FGD5: variants seen among roughly 807,000 people sequenced by gnomAD.
The protein encoded by FGD5 is FYVE, RhoGEF and PH domain-containing protein 5.
In FGD5, 28 loss-of-function variants were observed where a neutral mutation model predicts 133.4. The ratio of observed to expected loss-of-function variants is 0.21; its 90% confidence interval spans 0.16 to 0.29. The LOEUF is 0.29. Among genes scored for constraint, FGD5 ranks in the 10% least tolerant of loss-of-function variants. FGD5 has a pLI of 1.00. For synonymous variants in FGD5, 810 were observed against 776.5 expected (o/e 1.04, Z -0.72); for missense variants, 1,858 against 1,895.2 (o/e 0.98, Z 0.36).
chr3:14,837,596 C>T (rs2036841650), intron 1 of FGD5, among the ~76,000 whole-genome samples: 1 of 152,136 alleles, frequency 6.6e-6, no homozygotes, highest in African/African-American at 2.4e-5. Flanking sequence ...TAAAGCCCAG[C>T]TCTGTGTGGA....
chr3:14,902,909 G>A (rs957480802), intron 9 of FGD5, among the ~76,000 whole-genome samples: 3 of 152,160 alleles, frequency 2.0e-5, no homozygotes, highest in Admixed American at 6.5e-5. Context: ...CGGAGCAGCC[G>A]ACGGCCAGAC....
chr3:14,921,774 G>A (rs2038684595), intron 13 of FGD5, 144 bp from the exon 14 acceptor site: 2 of 712,134 alleles, frequency 2.8e-6, no homozygotes, highest in Non-Finnish European at 4.9e-6. Context: ...AGTCTGGCAG[G>A]TGATCTCTTC....
intron 13 of FGD5, 25 bp downstream of exon 13, chr3:14,918,858 G>T (rs754385648): frequency 3.1e-6 from 5 of 1,612,340 alleles, no homozygotes; most frequent in Admixed American, 3.3e-5. Context: ...AGGGAGGATG[G>T]CGCACAAGGC....
chr3:14,898,637 C>G (rs369220462), intron 6 of FGD5, 102 bp from the exon 7 acceptor site: 9 of 919,766 alleles, frequency 9.8e-6, no homozygotes, highest in South Asian at 7.9e-5. Flanking sequence ...TCAGCTGGCC[C>G]GGGAAGAGGT....
At chr3:14,887,096 A>T (rs1267832891) in intron 4 of FGD5, among the ~76,000 whole-genome samples, 1 of 151,844 alleles carries the variant, frequency 6.6e-6, no homozygotes, top group Non-Finnish European at 1.5e-5. Context: ...CTTTTTGTCT[A>T]TTGTTGAGAG....
Position 14,897,921 on chromosome 3 carries a change from C to G in FGD5, c.2910-18C>G. The G allele has an allele frequency of 6.2e-7, 1 of 1,613,894 alleles. No individual in the cohort carries two copies. Among genetic ancestry groups the G allele is most frequent in the South Asian group, 1.1e-5 (1 of 91,060 alleles). On this transcript the variant is annotated intron_variant, in intron 5 of 19. Transcript: ENST00000285046. ...CAAGGCTGAGTTCTCACTGTCCCAT[C>G]CCCATTCCTGGCTGCAGGGAGAGCC...
At chr3:14,890,393 C>G (rs2038003984) in intron 4 of FGD5, among the ~76,000 whole-genome samples, 2 of 152,226 alleles carry the variant, frequency 1.3e-5, no homozygotes, top group African/African-American at 4.8e-5. Flanking sequence ...GTGCATCTCT[C>G]CATGCTCCCA....
chr3:14,844,211 AAAAAAAAT>A (rs1184975173), intron 1 of FGD5, among the ~76,000 whole-genome samples: 3 of 41,460 alleles, frequency 7.2e-5, no homozygotes, highest in Admixed American at 3.2e-4. Context: ...CATTAAAAAA[AAAAAAAAT>A]ATATATATAT....
intron 13 of FGD5, chr3:14,921,509 A>C: frequency 5.1e-6 from 1 of 196,876 alleles, no homozygotes; most frequent in Non-Finnish European, 1.1e-5. Context: ...TACCTTTGCC[A>C]GCTCCCACCT....
At chr3:14,908,273 A>G (rs1280772900) in intron 10 of FGD5, among the ~76,000 whole-genome samples, 2 of 152,192 alleles carry the variant, frequency 1.3e-5, no homozygotes, top group Admixed American at 1.3e-4. Context: ...AGATTCTGTA[A>G]AGTTACATTT....
Position 14,820,091 on chromosome 3 carries a change from T to G in FGD5, c.1020T>G (p.Thr340=), listed in dbSNP as rs2036453212. Residue 340 remains threonine (T), a synonymous_variant, in exon 1 of 20, where the codon ACT becomes ACG. Transcript: ENST00000285046. ...FENDCMEDFV[T]SLTGSPYEFF... ...ATGACTGCATGGAGGACTTCGTGACTTCCCTCACAGGAAGCCCCTATGAGT... is the reference window on the plus strand; with the variant it reads ...ATGACTGCATGGAGGACTTCGTGACGTCCCTCACAGGAAGCCCCTATGAGT... The G allele has an allele frequency of 1.2e-6, 2 of 1,614,040 alleles. No individual in the cohort carries two copies. The highest frequency in any genetic ancestry group is 1.1e-5 in the South Asian group (1 of 91,082).
chr3:14,888,133 A>G (rs1175316019), intron 4 of FGD5, among the ~76,000 whole-genome samples: 2 of 149,160 alleles, frequency 1.3e-5, no homozygotes, highest in Non-Finnish European at 3.0e-5. Context: ...GCATACCACT[A>G]TGCTCCAGCC....
Position 14,925,978 on chromosome 3 carries a change from C to T in FGD5, c.4069-92C>T, listed in dbSNP as rs1205283622. 3.7e-5 allele frequency: 57 copies of T among 1,532,466 alleles called. No homozygotes were observed. In the East Asian group the frequency reaches 1.2e-3, roughly 31 times the overall value. The allele number at this position is 1,532,466 out of a possible 1,614,324, so 94.9% of individuals were successfully genotyped here. ...TGTCAAAGCAGTATAAGTAGTCAGCCAAATGGTTTGCAGTGTCATTTTGAA... is the reference window on the plus strand; with the variant it reads ...TGTCAAAGCAGTATAAGTAGTCAGCTAAATGGTTTGCAGTGTCATTTTGAA... On this transcript the variant is annotated intron_variant, in intron 17 of 19. Coordinates refer to ENST00000285046, the MANE Select transcript of FGD5 (RefSeq NM_152536.4).
intron 1 of FGD5, among the ~76,000 whole-genome samples, chr3:14,857,201 G>A (rs1448882208): frequency 6.6e-6 from 1 of 151,486 alleles, no homozygotes; most frequent in Non-Finnish European, 1.5e-5. Flanking sequence ...TGTCACCCAG[G>A]CTGCTGGAGT....
At chr3:14,828,324 G>T (rs966238764) in intron 1 of FGD5, among the ~76,000 whole-genome samples, 4 of 152,190 alleles carry the variant, frequency 2.6e-5, no homozygotes, top group African/African-American at 9.7e-5. Flanking sequence ...TGCAGGAAAA[G>T]TAGGCTTTTG....
chr3:14,854,395 T>C (rs570046983), intron 1 of FGD5, among the ~76,000 whole-genome samples: 11 of 73,472 alleles, frequency 1.5e-4, no homozygotes, highest in African/African-American at 2.0e-4. Context: ...TTCTTTTTAT[T>C]TATTTATTTA....
At chr3:14,850,811 A>C (rs1185827699) in intron 1 of FGD5, among the ~76,000 whole-genome samples, 2 of 134,934 alleles carry the variant, frequency 1.5e-5, no homozygotes, top group South Asian at 2.7e-4. Flanking sequence ...GGTGGGAGGG[A>C]TGGTGTTGGG....
chr3:14,820,285 C>T lies in FGD5; in HGVS notation c.1214C>T (p.Ala405Val), dbSNP rs1197701124. 4 of 1,604,418 alleles carry T rather than the reference C, an allele frequency of 2.5e-6. No homozygotes were observed. In the Admixed American group the frequency reaches 5.0e-5, roughly 20 times the overall value. ...TGTGGCTCCCTACAGGGTGGAGCGG[C>T]CGAGGGTCCCGCAGCCCCTGATGTG... ...GQCGSLQGGA[A>V]EGPAAPDVVV... is the part of the protein sequence containing the mutation. Residue 405 changes from alanine (A) to valine (V), a missense_variant, in exon 1 of 20, where the codon GCC becomes GTC. Ala to Val is a moderately conservative substitution (Grantham distance 64). Around this residue, in one of 3 missense-constraint regions of FGD5, gnomAD observed 1,824 missense variants for 1,848.9 expected, o/e 0.99. Coordinates refer to ENST00000285046, the MANE Select transcript of FGD5 (RefSeq NM_152536.4).
chr3:14,859,572 T>TG (rs199998761), intron 1 of FGD5, among the ~76,000 whole-genome samples: 6,892 of 134,224 alleles, frequency 0.051, 238 homozygotes, highest in East Asian at 0.19. Context: ...AAAAAAATAA[T>TG]AAAAGAAAGA....
Sources: gnomAD v4.1 joint callset for allele counts (sites outside exome capture counted in the v4.1 genomes callset) on GRCh38, gnomAD v4.1.1 for gene constraint, gnomAD v4.1.1 regional missense constraint, MANE v1.5 for transcripts, NCBI Gene and HGNC (gene_info 2026-07-23, HGNC 2026-07-21) for gene names.